PTPRD: variants seen among roughly 807,000 people sequenced by gnomAD.
The protein encoded by PTPRD is receptor-type tyrosine-protein phosphatase delta.
A neutral mutation model predicts 214.5 loss-of-function variants in PTPRD; 34 were observed. The observed-to-expected ratio is 0.16, with a 90% CI of 0.12 to 0.21. The LOEUF is 0.21. PTPRD is among the 10% of genes least tolerant of loss of function. The probability of loss-of-function intolerance (pLI) is 1.00; values close to 1 mark genes in which losing one functional copy is unlikely to be tolerated. For synonymous variants in PTPRD, 1,128 were observed against 845.7 expected (o/e 1.33, Z -5.79); for missense variants, 2,545 against 2,398.7 (o/e 1.06, Z -1.27).
At chr9:8,911,757 T>G (rs922242026) in intron 11 of PTPRD, among the ~76,000 whole-genome samples, 1 of 152,120 alleles carries the variant, frequency 6.6e-6, no homozygotes, top group Non-Finnish European at 1.5e-5. Context: ...AGAAAATATT[T>G]GCAAATTATA....
intron 2 of PTPRD, among the ~76,000 whole-genome samples, chr9:10,563,196 G>C (rs1270917008): frequency 6.6e-6 from 1 of 152,082 alleles, no homozygotes; most frequent in Non-Finnish European, 1.5e-5. Context: ...CCTGGGTTTG[G>C]TCACATGACT....
At chr9:9,573,737 G>A (rs1014470304) in intron 8 of PTPRD, among the ~76,000 whole-genome samples, 8 of 151,774 alleles carry the variant, frequency 5.3e-5, no homozygotes, top group Non-Finnish European at 1.0e-4. Context: ...CCTCCTGGTA[G>A]AGCAGAGGAA....
intron 8 of PTPRD, among the ~76,000 whole-genome samples, chr9:9,420,278 A>T (rs1380484572): frequency 6.6e-6 from 1 of 151,878 alleles, no homozygotes; most frequent in Non-Finnish European, 1.5e-5. Flanking sequence ...AGTTTTCACA[A>T]GATTAGCTTT....
chr9:9,604,086 A>G (rs1370348119), intron 7 of PTPRD, among the ~76,000 whole-genome samples: 3 of 152,038 alleles, frequency 2.0e-5, no homozygotes, highest in Non-Finnish European at 4.4e-5. Flanking sequence ...TATTACTAAA[A>G]TTTCTTTTTT....
At chr9:8,756,928 G>C (rs1332786877) in intron 11 of PTPRD, among the ~76,000 whole-genome samples, 2 of 152,026 alleles carry the variant, frequency 1.3e-5, no homozygotes, top group Admixed American at 6.6e-5. Flanking sequence ...ATCACTTGAG[G>C]TTAGGAGTTC....
At chr9:8,337,443 C>T (rs1042551885) in intron 43 of PTPRD, among the ~76,000 whole-genome samples, 1 of 151,240 alleles carries the variant, frequency 6.6e-6, no homozygotes, top group African/African-American at 2.5e-5. Flanking sequence ...CACACTGGGG[C>T]CTGTTGCGGG....
At chr9:10,506,075 A>C (rs1393437835) in intron 2 of PTPRD, among the ~76,000 whole-genome samples, 1 of 152,114 alleles carries the variant, frequency 6.6e-6, no homozygotes, top group Non-Finnish European at 1.5e-5. Context: ...GATGGTATGA[A>C]GGTTATTGAT....
chr9:9,775,920 C>CA (rs1180239029), intron 5 of PTPRD, among the ~76,000 whole-genome samples: 5 of 138,698 alleles, frequency 3.6e-5, no homozygotes. Context: ...CGGGCCACTG[C>CA]CTCCAGCCTG....
intron 44 of PTPRD, among the ~76,000 whole-genome samples, chr9:8,326,421 G>C (rs1339362131): frequency 1.3e-5 from 2 of 151,878 alleles, no homozygotes; most frequent in Non-Finnish European, 2.9e-5. Context: ...GGATGAAGCC[G>C]ACTTGATCGT....
At chr9:10,523,109 T>C (rs929173094) in intron 2 of PTPRD, among the ~76,000 whole-genome samples, 2 of 152,108 alleles carry the variant, frequency 1.3e-5, no homozygotes, top group African/African-American at 2.4e-5. Flanking sequence ...AAAATTTCTC[T>C]GTGGTTGAAA....
At chr9:10,584,895 A>G (rs1295264781) in intron 2 of PTPRD, among the ~76,000 whole-genome samples, 5 of 152,180 alleles carry the variant, frequency 3.3e-5, no homozygotes, top group Non-Finnish European at 1.5e-5. Flanking sequence ...CTAAAGCAAC[A>G]TTCATATGTT....
intron 11 of PTPRD, among the ~76,000 whole-genome samples, chr9:8,744,998 A>G (rs1483857552): frequency 6.6e-6 from 1 of 152,186 alleles, no homozygotes; most frequent in Non-Finnish European, 1.5e-5. Context: ...AACCATATAT[A>G]TATCCAAAAT....
At chr9:10,605,827 T>G (rs1010108876) in intron 2 of PTPRD, among the ~76,000 whole-genome samples, 1 of 151,840 alleles carries the variant, frequency 6.6e-6, no homozygotes, top group East Asian at 1.9e-4. Flanking sequence ...TCAGCACTCC[T>G]TGACACATAG....
intron 11 of PTPRD, among the ~76,000 whole-genome samples, chr9:8,802,711 T>C (rs772745849): frequency 2.6e-5 from 4 of 152,222 alleles, no homozygotes; most frequent in Admixed American, 6.5e-5. Context: ...TTAGGAGTTA[T>C]GTGGTCTTGG....
intron 8 of PTPRD, among the ~76,000 whole-genome samples, chr9:9,477,085 A>G (rs1048653608): frequency 3.3e-5 from 5 of 152,156 alleles, no homozygotes; most frequent in Non-Finnish European, 5.9e-5. Flanking sequence ...AAAAGGTACT[A>G]TTTACCTGCA....
rs747304112 is a variant in PTPRD, at chr9:10,312,869, A to G, written c.-545+28094T>C. 5.0e-4 allele frequency among the ~76,000 whole-genome samples: 76 copies of G among 152,088 alleles called. 1 individual carries two copies. The highest frequency in any genetic ancestry group is 3.4e-3 in the Middle Eastern group (1 of 294). Reference sequence around the variant, plus strand: ...AGTTTGAAATGTAATTTTATGAAATATAAAATTTCTTGTCATCTAGATTAC... The same window carrying G: ...AGTTTGAAATGTAATTTTATGAAATGTAAAATTTCTTGTCATCTAGATTAC... On this transcript the variant is annotated intron_variant, in intron 3 of 45. Coordinates refer to ENST00000381196, the MANE Select transcript of PTPRD (RefSeq NM_002839.4).
intron 2 of PTPRD, among the ~76,000 whole-genome samples, chr9:10,343,097 AGG>A (rs2096975087): frequency 6.6e-6 from 1 of 152,064 alleles, no homozygotes; most frequent in Admixed American, 6.6e-5. Flanking sequence ...CATTTACATT[AGG>A]TATTTCTCCT....
intron 36 of PTPRD, among the ~76,000 whole-genome samples, chr9:8,401,372 C>T (rs2092362433): frequency 6.6e-6 from 1 of 152,036 alleles, no homozygotes; most frequent in Admixed American, 6.6e-5. Context: ...TACAATAAAT[C>T]CTATTGCCCT....
At chr9:10,060,889 CTTCCTTCCTTCTTTCTTTCTTTCTTTCT>C (rs1366678612) in intron 3 of PTPRD, among the ~76,000 whole-genome samples, 1 of 76,372 alleles carries the variant, frequency 1.3e-5, no homozygotes, top group Non-Finnish European at 2.0e-5. Flanking sequence ...TCCTTCCTTC[CTTCCTTCCTTCTTTCTTTCTTTCTTTCT>C]TTCTTTCTTT....
Sources: gnomAD v4.1 joint callset for allele counts (sites outside exome capture counted in the v4.1 genomes callset) on GRCh38, gnomAD v4.1.1 for gene constraint, MANE v1.5 for transcripts, NCBI Gene and HGNC (gene_info 2026-07-23, HGNC 2026-07-21) for gene names.